Variants in GADL1 observed in about 807,000 individuals in gnomAD.
GADL1 encodes acidic amino acid decarboxylase GADL1.
Under a neutral mutation model 69.5 loss-of-function variants are expected in GADL1, and 71 were observed. The observed-to-expected ratio is 1.02, with a 90% confidence interval of 0.84 to 1.25. The LOEUF is 1.25. Ranked by LOEUF, GADL1 falls within the 50% of genes most tolerant of loss-of-function variation. GADL1 has a pLI of 0.00. For missense variants in GADL1, 737 were observed against 631.8 expected (o/e 1.17, Z -1.79); for synonymous variants, 254 against 214.4 (o/e 1.18, Z -1.62).
chr3:30,776,880 C>G (rs985365510), intron 14 of GADL1, among the ~76,000 whole-genome samples: 2 of 152,180 alleles, frequency 1.3e-5, no homozygotes, highest in African/African-American at 2.4e-5. Context: ...CCTCTTGAGC[C>G]TCTGAGTTCT....
chr3:30,827,333 C>CCTCAAGTAGCTCCCAGTGT (rs1559353867), intron 11 of GADL1, among the ~76,000 whole-genome samples: 1 of 151,140 alleles, frequency 6.6e-6, no homozygotes, highest in Non-Finnish European at 1.5e-5. Flanking sequence ...AGGACCAGTA[C>CCTCAAGTAGCTCCCAGTGT]ACATTTATGA....
intron 14 of GADL1, among the ~76,000 whole-genome samples, chr3:30,753,536 TCC>T (rs151111025): frequency 0.026 from 3,988 of 152,122 alleles, 167 homozygotes; most frequent in African/African-American, 0.089. Flanking sequence ...TAATGAAAAA[TCC>T]CTGTTCTTGC....
In GADL1 at chr3:30,797,299, A is replaced by C. The variant is rs575114242; in HGVS notation, c.1250+3590T>G. On this transcript the variant is annotated intron_variant, in intron 12 of 14. Coordinates refer to ENST00000282538, the MANE Select transcript of GADL1 (RefSeq NM_207359.3). Reference sequence around the variant, plus strand: ...CTAGGGGGAAAACAATTGTTGTTTTAACACATTCAGACAGCTTGTTGCTCA... The same window carrying C: ...CTAGGGGGAAAACAATTGTTGTTTTCACACATTCAGACAGCTTGTTGCTCA... 2.8e-4 allele frequency among the ~76,000 whole-genome samples: 42 copies of C among 152,306 alleles called. No individual in the cohort carries two copies. In the South Asian group the frequency reaches 8.7e-3, roughly 32 times the overall value.
At chr3:30,815,893 T>C (rs1697459106) in intron 11 of GADL1, among the ~76,000 whole-genome samples, 1 of 152,156 alleles carries the variant, frequency 6.6e-6, no homozygotes. Flanking sequence ...GGACTAAGCA[T>C]GACTGACTGA....
intron 1 of GADL1, among the ~76,000 whole-genome samples, chr3:30,886,904 A>G (rs1324017942): frequency 7.2e-6 from 1 of 139,340 alleles, no homozygotes. Flanking sequence ...CTTTCTACTT[A>G]ATAATGATAA....
intron 1 of GADL1, among the ~76,000 whole-genome samples, chr3:30,871,889 G>A (rs1698488004): frequency 6.6e-6 from 1 of 150,414 alleles, no homozygotes; most frequent in Non-Finnish European, 1.5e-5. Context: ...CATAAACCCT[G>A]CTTATTTTAA....
At chr3:30,808,510 A>G (rs1436817634) in intron 11 of GADL1, among the ~76,000 whole-genome samples, 1 of 151,702 alleles carries the variant, frequency 6.6e-6, no homozygotes, top group Non-Finnish European at 1.5e-5. Context: ...AAAAAAAAAA[A>G]ATGAGGATAT....
At chr3:30,816,982 A>G (rs901936623) in intron 11 of GADL1, among the ~76,000 whole-genome samples, 3 of 152,146 alleles carry the variant, frequency 2.0e-5, no homozygotes, top group Admixed American at 6.6e-5. Context: ...ATCACTGCTC[A>G]GCATACCCTC....
At chr3:30,773,299 TGG>T (rs746376655) in intron 14 of GADL1, among the ~76,000 whole-genome samples, 1 of 152,126 alleles carries the variant, frequency 6.6e-6, no homozygotes, top group African/African-American at 2.4e-5. Flanking sequence ...TTCTGGCCCT[TGG>T]GGGAATACAT....
intron 11 of GADL1, among the ~76,000 whole-genome samples, chr3:30,825,017 T>C (rs1041798202): frequency 2.6e-5 from 4 of 151,940 alleles, no homozygotes; most frequent in East Asian, 1.9e-4. Flanking sequence ...AGGGAGGACA[T>C]TGAGTTCCTT....
At chr3:30,806,589 T>C (rs1371384568) in intron 11 of GADL1, among the ~76,000 whole-genome samples, 1 of 152,090 alleles carries the variant, frequency 6.6e-6, no homozygotes, top group East Asian at 1.9e-4. Flanking sequence ...GCATTTCAGA[T>C]GGGAATAGGA....
chr3:30,757,404 A>AT (rs1696000925), intron 14 of GADL1, among the ~76,000 whole-genome samples: 1 of 152,224 alleles, frequency 6.6e-6, no homozygotes, highest in African/African-American at 2.4e-5. Context: ...TAAAAAGCAT[A>AT]AATGCTTAGG....
At chr3:30,754,458 T>C (rs1482050872) in intron 14 of GADL1, among the ~76,000 whole-genome samples, 1 of 151,664 alleles carries the variant, frequency 6.6e-6, no homozygotes, top group Non-Finnish European at 1.5e-5. Flanking sequence ...AAAAGCCTCA[T>C]AGGAATGCCA....
intron 13 of GADL1, among the ~76,000 whole-genome samples, chr3:30,783,416 T>C (rs933618326): frequency 6.6e-6 from 1 of 151,408 alleles, no homozygotes; most frequent in East Asian, 1.9e-4. Context: ...GATTGAAAGT[T>C]ATTTTTATTC....
chr3:30,790,998 C>CTT (rs35630766), intron 12 of GADL1, among the ~76,000 whole-genome samples: 4 of 146,650 alleles, frequency 2.7e-5, no homozygotes, highest in African/African-American at 1.0e-4. Flanking sequence ...AATTTTTACA[C>CTT]TTTTTTTTTT....
At chr3:30,825,760 C>T (rs557299790) in intron 11 of GADL1, among the ~76,000 whole-genome samples, 6 of 151,836 alleles carry the variant, frequency 4.0e-5, no homozygotes, top group African/African-American at 1.4e-4. Context: ...TATCACACAC[C>T]AGGGCCTGTC....
intron 9 of GADL1, among the ~76,000 whole-genome samples, chr3:30,837,039 AT>A (rs1248171462): frequency 6.6e-6 from 1 of 152,066 alleles, no homozygotes; most frequent in African/African-American, 2.4e-5. Flanking sequence ...CAGAGTTAAA[AT>A]TTTTTTAAGT....
Position 30,800,869 on chromosome 3 carries a change from A to C in GADL1, c.1250+20T>G, listed in dbSNP as rs1456981210. On this transcript the variant is annotated intron_variant, in intron 12 of 14. Transcript: ENST00000282538. ...CACACACAGAAAGAGAGAGAGAGAG[A>C]GAGAGAGAGAGGCTAGTACCTAGAT... is the stretch of plus-strand genomic sequence containing the variant. 5.1e-6 allele frequency: 8 copies of C among 1,579,780 alleles called. No homozygotes were observed. The highest frequency in any genetic ancestry group is 6.9e-6 in the Non-Finnish European group (8 of 1,157,820).
At chr3:30,761,943 C>T (rs564998208) in intron 14 of GADL1, among the ~76,000 whole-genome samples, 1 of 152,042 alleles carries the variant, frequency 6.6e-6, no homozygotes, top group Admixed American at 6.6e-5. Flanking sequence ...TATATAATAT[C>T]TGGGGCCGTG....
Sources: gnomAD v4.1 joint callset for allele counts (sites outside exome capture counted in the v4.1 genomes callset) on GRCh38, gnomAD v4.1.1 for gene constraint, MANE v1.5 for transcripts, NCBI Gene and HGNC (gene_info 2026-07-23, HGNC 2026-07-21) for gene names.